NR3C2: variants seen among roughly 807,000 people sequenced by gnomAD.
NR3C2 encodes mineralocorticoid receptor.
Under a neutral mutation model 86.4 loss-of-function variants are expected in NR3C2, and 15 were observed. The ratio of observed to expected loss-of-function variants is 0.17; its 90% CI spans 0.12 to 0.27. The LOEUF is 0.27. NR3C2 is among the 10% of genes least tolerant of loss of function. The pLI, the probability that NR3C2 is intolerant of heterozygous loss-of-function variation, is 1.00. For synonymous variants in NR3C2, 458 were observed against 450.5 expected, an observed-to-expected ratio of 1.02 and a Z score of -0.21; for missense variants, 960 against 1,195.6, an observed-to-expected ratio of 0.80 and a Z score of 2.91.
At chr4:148,196,359 G>A (rs938484616) in intron 3 of NR3C2, among the ~76,000 whole-genome samples, 15 of 152,202 alleles carry the variant, frequency 9.9e-5, no homozygotes, top group African/African-American at 3.4e-4. Context: ...GGAGGTGTCA[G>A]GTCTGCGGTT....
chr4:148,255,059 A>G (rs994237222), intron 3 of NR3C2, among the ~76,000 whole-genome samples: 1 of 54,690 alleles, frequency 1.8e-5, no homozygotes, highest in Non-Finnish European at 3.4e-5. Context: ...GTTTTGTGGC[A>G]CAAATGCTCA....
At chr4:148,135,335 G>GGGGTT (rs1467600214) in intron 6 of NR3C2, among the ~76,000 whole-genome samples, 3 of 152,062 alleles carry the variant, frequency 2.0e-5, no homozygotes, top group Non-Finnish European at 4.4e-5. Context: ...CTTTATAAAA[G>GGGGTT]GGGTTGAGGG....
At chr4:148,266,317 C>T (rs563724834) in intron 2 of NR3C2, among the ~76,000 whole-genome samples, 3 of 152,268 alleles carry the variant, frequency 2.0e-5, no homozygotes, top group East Asian at 3.9e-4. Context: ...GTAATCTGCC[C>T]GCCTCGGCCT....
chr4:148,195,900 C>G (rs1258890063), intron 3 of NR3C2, among the ~76,000 whole-genome samples: 3 of 152,164 alleles, frequency 2.0e-5, no homozygotes, highest in Non-Finnish European at 4.4e-5. Flanking sequence ...AGGTGATATT[C>G]AAGACTTTGG....
Position 148,435,831 on chromosome 4 carries a change from T to G in NR3C2, c.1030A>C (p.Thr344Pro). 1 of 1,614,212 alleles carries G rather than the reference T, an allele frequency of 6.2e-7. No homozygotes were observed. ...CSPVNNAFSY[T>P]ASGTSAGSST... Reference sequence around the variant, plus strand: ...GATCCAGCAGAGGTGCCAGAAGCAGTGTAGCTGAAGGCATTGTTTACAGGG... The same window carrying G: ...GATCCAGCAGAGGTGCCAGAAGCAGGGTAGCTGAAGGCATTGTTTACAGGG... The change falls in exon 2 of 9, where the codon ACT becomes CCT. Residue 344 changes from threonine (T) to proline (P), a missense_variant. Physicochemically the swap from Thr to Pro is conservative, Grantham distance 38. Coordinates refer to ENST00000358102, the MANE Select transcript of NR3C2 (RefSeq NM_000901.5).
At chr4:148,238,039 T>A (rs62332029) in intron 3 of NR3C2, among the ~76,000 whole-genome samples, 31,011 of 152,094 alleles carry the variant, frequency 0.2, 3,403 homozygotes, top group South Asian at 0.3. Context: ...CCATCAAATA[T>A]GCTTCTTTTT....
chr4:148,299,962 G>C (rs1742255791), intron 2 of NR3C2, among the ~76,000 whole-genome samples: 1 of 152,146 alleles, frequency 6.6e-6, no homozygotes, highest in African/African-American at 2.4e-5. Context: ...ATTATCGAAA[G>C]GGATTGATGA....
chr4:148,259,231 C>T (rs903016765), intron 3 of NR3C2, among the ~76,000 whole-genome samples: 1 of 152,172 alleles, frequency 6.6e-6, no homozygotes, highest in African/African-American at 2.4e-5. Flanking sequence ...GAATCTTTTA[C>T]TAATAGCAAA....
intron 2 of NR3C2, among the ~76,000 whole-genome samples, chr4:148,316,764 C>T (rs1047962663): frequency 1.3e-5 from 2 of 151,702 alleles, no homozygotes; most frequent in African/African-American, 4.8e-5. Flanking sequence ...AATTAAATGC[C>T]CTCCATTAGT....
chr4:148,343,310 A>G (rs1409219818), intron 2 of NR3C2, among the ~76,000 whole-genome samples: 1 of 152,136 alleles, frequency 6.6e-6, no homozygotes, highest in Admixed American at 6.6e-5. Context: ...AAGAACTGCT[A>G]AGTAAGAGGG....
At chr4:148,262,000 T>C (rs2149874350) in intron 2 of NR3C2, among the ~76,000 whole-genome samples, 1 of 152,312 alleles carries the variant, frequency 6.6e-6, no homozygotes, top group Middle Eastern at 3.4e-3. Context: ...ATTATTTTTA[T>C]TGGTATCCTT....
intron 2 of NR3C2, among the ~76,000 whole-genome samples, chr4:148,316,598 T>C (rs62332051): frequency 0.12 from 18,504 of 152,190 alleles, 1,203 homozygotes; most frequent in South Asian, 0.27. Context: ...CTTTGCAATT[T>C]CTTTTAAGGA....
At chr4:148,218,005 A>C (rs565303988) in intron 3 of NR3C2, among the ~76,000 whole-genome samples, 1 of 152,306 alleles carries the variant, frequency 6.6e-6, no homozygotes, top group Non-Finnish European at 1.5e-5. Context: ...TGGGAGGTTT[A>C]CTCCATCAGA....
intron 3 of NR3C2, among the ~76,000 whole-genome samples, chr4:148,247,375 C>T (rs1366742367): frequency 6.6e-6 from 1 of 152,126 alleles, no homozygotes; most frequent in South Asian, 2.1e-4. Flanking sequence ...AACTAGCTAC[C>T]CGTATCTGAA....
chr4:148,312,903 A>G (rs1226412425), intron 2 of NR3C2, among the ~76,000 whole-genome samples: 1 of 152,184 alleles, frequency 6.6e-6, no homozygotes, highest in Non-Finnish European at 1.5e-5. Context: ...AAATATTACC[A>G]AAGAAAAACG....
intron 8 of NR3C2, among the ~76,000 whole-genome samples, chr4:148,111,518 G>A (rs9998790): frequency 0.68 from 102,679 of 152,112 alleles, 35,263 homozygotes; most frequent in East Asian, 0.76. Flanking sequence ...ACAAAGACTT[G>A]TACATAAAGG....
intron 2 of NR3C2, among the ~76,000 whole-genome samples, chr4:148,422,075 C>T (rs1373704164): frequency 6.6e-6 from 1 of 152,068 alleles, no homozygotes; most frequent in Admixed American, 6.5e-5. Context: ...ATAACTCCTC[C>T]TTCCTCTACT....
chr4:148,123,757 C>T (rs1416356100), intron 6 of NR3C2, among the ~76,000 whole-genome samples: 1 of 152,238 alleles, frequency 6.6e-6, no homozygotes, highest in East Asian at 1.9e-4. Flanking sequence ...AGAAGCTATA[C>T]ATGCTGTTTT....
chr4:148,265,013 G>A (rs920316742), intron 2 of NR3C2, among the ~76,000 whole-genome samples: 7 of 152,056 alleles, frequency 4.6e-5, no homozygotes, highest in African/African-American at 1.7e-4. Flanking sequence ...AAAAAACTAC[G>A]AAAACTCATC....
Sources: allele counts gnomAD v4.1 joint callset (sites outside exome capture counted in the v4.1 genomes callset), GRCh38; gene constraint gnomAD v4.1.1; transcripts MANE v1.5; gene names NCBI Gene and HGNC (gene_info 2026-07-23, HGNC 2026-07-21).